Variants in PRKN observed in about 807,000 individuals in gnomAD.
PRKN encodes the protein E3 ubiquitin-protein ligase parkin.
A neutral mutation model predicts 59.5 loss-of-function variants in PRKN; 56 were observed. The observed-to-expected ratio is 0.94, with a 90% confidence interval of 0.76 to 1.18. The LOEUF (loss-of-function observed/expected upper bound fraction) is 1.18, where lower values mean the gene tolerates loss of function less well. Ranked by LOEUF, PRKN falls within the 50% of genes most tolerant of loss-of-function variation. The probability of loss-of-function intolerance (pLI) is 0.00; values close to 1 mark genes in which losing one functional copy is unlikely to be tolerated. For missense variants in PRKN, 657 were observed against 596.4 expected, an observed-to-expected ratio of 1.10 and a Z score of -1.06; for synonymous variants, 250 against 222.1, an observed-to-expected ratio of 1.13 and a Z score of -1.12.
In PRKN at chr6:161,971,601, T is replaced by C. The variant is rs1002710079; in HGVS notation, c.734+1701A>G. 2.6e-5 allele frequency among the ~76,000 whole-genome samples: 4 copies of C among 152,206 alleles called. No individual in the cohort carries two copies. The East Asian group carries it at 7.7e-4, about 29-fold the overall frequency. ...CTTGCCAAGAGAGGCTGAAGCGCTA[T>C]ATTTTAAAGGCAATGTTGTGGTGCT... On this transcript the variant is annotated intron_variant, in intron 6 of 11. Coordinates refer to ENST00000366898, the MANE Select transcript of PRKN (RefSeq NM_004562.3).
chr6:161,654,014 T>A (rs199925471), intron 7 of PRKN, among the ~76,000 whole-genome samples: 3 of 143,888 alleles, frequency 2.1e-5, no homozygotes, highest in Middle Eastern at 3.2e-3. Context: ...ATTTTTTTTT[T>A]AAAGATGGGG....
chr6:161,383,382 GC>G (rs1184419435), intron 10 of PRKN, among the ~76,000 whole-genome samples: 2 of 152,240 alleles, frequency 1.3e-5, no homozygotes, highest in Non-Finnish European at 2.9e-5. Flanking sequence ...TAGAGAAGGT[GC>G]TGGTAATTCT....
chr6:162,129,897 C>G (rs1781277300), intron 4 of PRKN, among the ~76,000 whole-genome samples: 1 of 151,872 alleles, frequency 6.6e-6, no homozygotes, highest in Non-Finnish European at 1.5e-5. Context: ...GAAAAAACAG[C>G]TAGATTATAG....
At chr6:162,258,048 G>C (rs1420333798) in intron 3 of PRKN, among the ~76,000 whole-genome samples, 7 of 152,144 alleles carry the variant, frequency 4.6e-5, no homozygotes, top group Non-Finnish European at 4.4e-5. Flanking sequence ...TGGGGCTCAC[G>C]AGTTGCTGTC....
At chr6:161,929,617 A>G (rs1387148434) in intron 6 of PRKN, among the ~76,000 whole-genome samples, 1 of 137,240 alleles carries the variant, frequency 7.3e-6, no homozygotes, top group African/African-American at 2.8e-5. Context: ...TCTGCTTACC[A>G]GGTTCAAGTG....
intron 9 of PRKN, among the ~76,000 whole-genome samples, chr6:161,523,558 C>T (rs1427072038): frequency 6.6e-6 from 1 of 152,134 alleles, no homozygotes; most frequent in Non-Finnish European, 1.5e-5. Context: ...CAAAATAACT[C>T]AATTGGTCAT....
intron 5 of PRKN, among the ~76,000 whole-genome samples, chr6:162,047,004 T>C (rs1398852456): frequency 6.6e-6 from 1 of 152,058 alleles, no homozygotes; most frequent in Non-Finnish European, 1.5e-5. Flanking sequence ...TTTTGAAAAA[T>C]GTTCTAAGAA....
chr6:162,704,408 C>T (rs1261593407), intron 1 of PRKN, among the ~76,000 whole-genome samples: 1 of 152,148 alleles, frequency 6.6e-6, no homozygotes, highest in African/African-American at 2.4e-5. Flanking sequence ...CAGGTCATCA[C>T]CAATCAAATT....
intron 6 of PRKN, among the ~76,000 whole-genome samples, chr6:161,877,560 C>T (rs975850484): frequency 1.9e-4 from 28 of 151,264 alleles, no homozygotes; most frequent in African/African-American, 3.9e-4. Context: ...CCTGGGTTCA[C>T]GCTGTTCTCC....
intron 6 of PRKN, among the ~76,000 whole-genome samples, chr6:161,888,456 G>C (rs1433812701): frequency 6.6e-6 from 1 of 152,094 alleles, no homozygotes; most frequent in Non-Finnish European, 1.5e-5. Context: ...ATACGGTCTT[G>C]CCATCCTCTC....
intron 2 of PRKN, among the ~76,000 whole-genome samples, chr6:162,371,026 T>A (rs1294070264): frequency 6.6e-6 from 1 of 152,194 alleles, no homozygotes; most frequent in Non-Finnish European, 1.5e-5. Flanking sequence ...TCACTGGTTA[T>A]CAAACATCCT....
At chr6:162,158,018 TCTG>T (rs1466234457) in intron 4 of PRKN, among the ~76,000 whole-genome samples, 8 of 152,154 alleles carry the variant, frequency 5.3e-5, no homozygotes, top group African/African-American at 1.9e-4. Flanking sequence ...TTGCTGGGAG[TCTG>T]CTGTTTTCAG....
At chr6:161,864,127 G>A (rs979748513) in intron 6 of PRKN, among the ~76,000 whole-genome samples, 3 of 152,122 alleles carry the variant, frequency 2.0e-5, no homozygotes, top group African/African-American at 7.2e-5. Context: ...CCCATCATTT[G>A]ACTCCTCCTT....
intron 2 of PRKN, among the ~76,000 whole-genome samples, chr6:162,389,016 A>C (rs1264934587): frequency 1.3e-5 from 2 of 151,158 alleles, no homozygotes; most frequent in Non-Finnish European, 2.9e-5. Context: ...AGAAAAAAAA[A>C]AAAAAAAACA....
intron 6 of PRKN, among the ~76,000 whole-genome samples, chr6:161,859,117 C>T (rs1043551266): frequency 6.6e-6 from 1 of 151,492 alleles, no homozygotes; most frequent in African/African-American, 2.4e-5. Context: ...TGATCCACCA[C>T]CTCGGCCTTC....
intron 6 of PRKN, among the ~76,000 whole-genome samples, chr6:161,818,457 T>G (rs1406054561): frequency 1.3e-5 from 2 of 151,976 alleles, no homozygotes; most frequent in African/African-American, 2.4e-5. Flanking sequence ...CTCAGCCTCC[T>G]AATTAGCTGG....
intron 1 of PRKN, among the ~76,000 whole-genome samples, chr6:162,606,929 T>C (rs1175821955): frequency 6.6e-6 from 1 of 152,126 alleles, no homozygotes. Context: ...GCCAGGCTGG[T>C]CTCAAACTCC....
At chr6:161,819,498 T>A (rs532532581) in intron 6 of PRKN, among the ~76,000 whole-genome samples, 1 of 149,572 alleles carries the variant, frequency 6.7e-6, no homozygotes, top group African/African-American at 2.5e-5. Context: ...CTCAAAAAAA[T>A]AAAAATAAAA....
At chr6:162,438,823 T>G (rs1789906135) in intron 2 of PRKN, among the ~76,000 whole-genome samples, 3 of 152,206 alleles carry the variant, frequency 2.0e-5, no homozygotes, top group African/African-American at 7.2e-5. Context: ...CATCTATAAC[T>G]TTATGTCTCT....
Sources: allele counts gnomAD v4.1 joint callset (sites outside exome capture counted in the v4.1 genomes callset), GRCh38; gene constraint gnomAD v4.1.1; transcripts MANE v1.5; gene names NCBI Gene and HGNC (gene_info 2026-07-23, HGNC 2026-07-21).